ADAMTSL1: variants seen among roughly 807,000 people sequenced by gnomAD.
The protein encoded by ADAMTSL1 is ADAMTS like 1.
ADAMTSL1 carries 126 observed loss-of-function variants against 201.8 expected under a neutral mutation model. The ratio of observed to expected loss-of-function variants is 0.62; its 90% CI spans 0.54 to 0.72. The LOEUF is 0.72. ADAMTSL1 is among the 30% of genes least tolerant of loss of function. ADAMTSL1 has a pLI of 0.00. For missense variants in ADAMTSL1, 2,679 were observed against 2,277.8 expected, an observed-to-expected ratio of 1.18 and a Z score of -3.59; for synonymous variants, 1,121 against 903.4, an observed-to-expected ratio of 1.24 and a Z score of -4.32.
chr9:18,038,266 C>G (rs1234894969), intron 1 of ADAMTSL1, among the ~76,000 whole-genome samples: 1 of 152,112 alleles, frequency 6.6e-6, no homozygotes, highest in Non-Finnish European at 1.5e-5. Context: ...GGGAACATTT[C>G]CAAGTGGCAT....
At chr9:18,284,003 G>A (rs1323515420) in intron 2 of ADAMTSL1, among the ~76,000 whole-genome samples, 1 of 150,828 alleles carries the variant, frequency 6.6e-6, no homozygotes, top group Non-Finnish European at 1.5e-5. Flanking sequence ...GGCCGAGGAG[G>A]GCAGATCACC....
At chr9:18,612,895 C>T (rs113867622) in intron 4 of ADAMTSL1, among the ~76,000 whole-genome samples, 7,245 of 152,196 alleles carry the variant, frequency 0.048, 247 homozygotes, top group East Asian at 0.2. Context: ...AACTTCTACA[C>T]AGCGAAAGAA....
At chr9:18,360,047 C>CAA (rs1836448849) in intron 2 of ADAMTSL1, among the ~76,000 whole-genome samples, 1 of 151,960 alleles carries the variant, frequency 6.6e-6, no homozygotes, top group Non-Finnish European at 1.5e-5. Flanking sequence ...TTGATTAGTG[C>CAA]TCAATATATA....
Position 18,775,837 on chromosome 9 carries a change from T to C in ADAMTSL1, c.2492T>C (p.Leu831Pro), listed in dbSNP as rs1409016285. 3.1e-6 allele frequency: 5 copies of C among 1,606,416 alleles called. No homozygotes were observed. The Admixed American group carries it at 6.8e-5, about 22-fold the overall frequency. ...TGLSTVVNSTLCPPLPFSSSI... is the reference protein window; with the variant it reads ...TGLSTVVNSTPCPPLPFSSSI... Reference sequence around the variant, plus strand: ...CTCTCAACGGTTGTCAATTCCACCCTGTGCCCGCCCCTGCCTTTCTCTTCC... The same window carrying C: ...CTCTCAACGGTTGTCAATTCCACCCCGTGCCCGCCCCTGCCTTTCTCTTCC... The change falls in exon 18 of 29, where the codon CTG becomes CCG. Residue 831 changes from leucine (L) to proline (P), a missense_variant. Leu to Pro is a moderately conservative substitution (Grantham distance 98). Coordinates refer to ENST00000380548, the MANE Select transcript of ADAMTSL1 (RefSeq NM_001040272.6).
intron 2 of ADAMTSL1, among the ~76,000 whole-genome samples, chr9:18,419,974 C>T (rs566005781): frequency 5.3e-5 from 8 of 152,140 alleles, no homozygotes; most frequent in South Asian, 2.1e-4. Flanking sequence ...GTGATCCACC[C>T]GCCTCGGCCT....
intron 7 of ADAMTSL1, among the ~76,000 whole-genome samples, chr9:18,649,261 G>A (rs1828034449): frequency 6.6e-6 from 1 of 152,022 alleles, no homozygotes; most frequent in South Asian, 2.1e-4. Context: ...GCACTTCTCT[G>A]TATTGGTTAT....
intron 21 of ADAMTSL1, 74 bp from the exon 22 acceptor site, chr9:18,826,210 A>C: frequency 6.5e-7 from 1 of 1,531,738 alleles, no homozygotes; most frequent in Non-Finnish European, 8.8e-7. Flanking sequence ...TCAAGAAGCT[A>C]TAAATGCCTC....
intron 7 of ADAMTSL1, among the ~76,000 whole-genome samples, chr9:18,643,716 G>T (rs1368143367): frequency 6.6e-6 from 1 of 151,920 alleles, no homozygotes; most frequent in Non-Finnish European, 1.5e-5. Context: ...CATCTGGGCT[G>T]TCTTCTCTTT....
chr9:18,533,521 A>T (rs1819567747), intron 3 of ADAMTSL1, among the ~76,000 whole-genome samples: 1 of 152,032 alleles, frequency 6.6e-6, no homozygotes, highest in Non-Finnish European at 1.5e-5. Context: ...CAAAACAAGG[A>T]CTCTACATTT....
chr9:17,978,897 G>A (rs1007145563), intron 1 of ADAMTSL1, among the ~76,000 whole-genome samples: 2 of 151,816 alleles, frequency 1.3e-5, no homozygotes, highest in African/African-American at 4.8e-5. Flanking sequence ...GTTTGTCTGA[G>A]AGAGTCTTTA....
intron 1 of ADAMTSL1, among the ~76,000 whole-genome samples, chr9:18,145,195 G>C (rs1036309328): frequency 2.0e-5 from 3 of 152,148 alleles, no homozygotes; most frequent in African/African-American, 7.2e-5. Flanking sequence ...AAAGCTCAAA[G>C]AAAGAGACCA....
intron 14 of ADAMTSL1, 91 bp from the exon 15 acceptor site, chr9:18,721,445 G>A: frequency 6.5e-7 from 1 of 1,537,412 alleles, no homozygotes; most frequent in Non-Finnish European, 8.8e-7. Flanking sequence ...AGAACACAGG[G>A]ACCTCCCACC....
chr9:18,432,993 A>C (rs1470910124), intron 2 of ADAMTSL1, among the ~76,000 whole-genome samples: 4 of 152,186 alleles, frequency 2.6e-5, no homozygotes, highest in African/African-American at 2.4e-5. Flanking sequence ...ACTGTCTAAT[A>C]GGATTAGAAT....
intron 1 of ADAMTSL1, among the ~76,000 whole-genome samples, chr9:17,970,738 C>A (rs947034722): frequency 2.6e-5 from 4 of 152,024 alleles, no homozygotes; most frequent in Non-Finnish European, 5.9e-5. Flanking sequence ...GGATTAGGCA[C>A]CTCTGTGCTC....
rs528024934 is a variant in ADAMTSL1, at chr9:17,984,862, C to A, written c.87+77940C>A. Among the ~76,000 whole-genome samples, 14 of 152,174 alleles carry A rather than the reference C, an allele frequency of 9.2e-5. No individual in the cohort carries two copies. The South Asian group carries it at 2.9e-3, about 32-fold the overall frequency. ...GAGTTTGGGGGCCTGGGTCAAAATCCTAATCATAACCCCCTCTACCTTTGT... is the reference window on the plus strand; with the variant it reads ...GAGTTTGGGGGCCTGGGTCAAAATCATAATCATAACCCCCTCTACCTTTGT... On this transcript the variant is annotated intron_variant, in intron 1 of 29. Transcript: ENST00000680146.
At chr9:18,816,110 C>T (rs1823832869) in intron 20 of ADAMTSL1, among the ~76,000 whole-genome samples, 1 of 152,154 alleles carries the variant, frequency 6.6e-6, no homozygotes, top group African/African-American at 2.4e-5. Flanking sequence ...TAACTTTGTG[C>T]CTCTTGACCA....
chr9:18,775,809 G>C lies in ADAMTSL1; in HGVS notation c.2464G>C (p.Gly822Arg), dbSNP rs751667336. 1.2e-6 allele frequency: 2 copies of C among 1,611,206 alleles called. No individual in the cohort carries two copies. The highest frequency in any genetic ancestry group is 1.7e-6 in the Non-Finnish European group (2 of 1,178,666). The stretch of plus-strand genomic sequence containing the variant: ...CATTTGCCGAAAGATGCTGAAAACC[G>C]GCCTCTCAACGGTTGTCAATTCCAC... ...SAICRKMLKT[G>R]LSTVVNSTLC... is the part of the protein sequence containing the mutation. Residue 822 changes from glycine to arginine, a missense_variant, in exon 18 of 29, where the codon GGC becomes CGC. Gly to Arg is a moderately radical substitution (Grantham distance 125). Transcript: ENST00000380548.
intron 2 of ADAMTSL1, among the ~76,000 whole-genome samples, chr9:18,520,980 A>G (rs951751556): frequency 3.9e-5 from 6 of 152,120 alleles, no homozygotes; most frequent in Admixed American, 3.3e-4. Flanking sequence ...GAAAGTCCCA[A>G]AGCACCAAGA....
chr9:18,027,094 C>CTT (rs774790434), intron 1 of ADAMTSL1, among the ~76,000 whole-genome samples: 12 of 138,710 alleles, frequency 8.7e-5, no homozygotes, highest in African/African-American at 2.1e-4. Flanking sequence ...TAGGTCTTCT[C>CTT]TTTTTTTTTT....
Sources: gnomAD v4.1 joint callset for allele counts (sites outside exome capture counted in the v4.1 genomes callset) on GRCh38, gnomAD v4.1.1 for gene constraint, MANE v1.5 for transcripts, NCBI Gene and HGNC (gene_info 2026-07-23, HGNC 2026-07-21) for gene names.